Variants in PTTG1IP observed in about 807,000 individuals in gnomAD.
PTTG1IP encodes PTTG1 interacting protein, also known as pituitary tumor-transforming gene 1 protein-interacting protein.
A neutral mutation model predicts 24.4 loss-of-function variants in PTTG1IP; 16 were observed. That is an observed-to-expected ratio of 0.66 (90% CI 0.44 to 1.00). The LOEUF (loss-of-function observed/expected upper bound fraction) is 1.00. Among genes scored for constraint, PTTG1IP ranks in the 50% least tolerant of loss-of-function variants. The pLI is 0.00. For synonymous variants in PTTG1IP, 89 were observed against 96.8 expected, an observed-to-expected ratio of 0.92 and a Z score of 0.47; for missense variants, 241 against 245.8, an observed-to-expected ratio of 0.98 and a Z score of 0.13.
intron 1 of PTTG1IP, among the ~76,000 whole-genome samples, chr21:44,872,484 T>A (rs1359731734): frequency 2.0e-5 from 3 of 152,100 alleles, no homozygotes; most frequent in Admixed American, 2.0e-4. Flanking sequence ...GTCAGGAAAC[T>A]GAAGTTAAGG....
intron 1 of PTTG1IP, among the ~76,000 whole-genome samples, chr21:44,869,250 T>C (rs2083565704): frequency 6.6e-6 from 1 of 152,236 alleles, no homozygotes; most frequent in African/African-American, 2.4e-5. Flanking sequence ...ACTGTTTAAA[T>C]TTGTATATGG....
chr21:44,870,397 C>T (rs766017283), intron 1 of PTTG1IP, among the ~76,000 whole-genome samples: 5 of 151,724 alleles, frequency 3.3e-5, no homozygotes, highest in East Asian at 1.9e-4. Flanking sequence ...GAAAATTAGC[C>T]GGGTGTGATA....
rs954565196 is a variant in PTTG1IP at position 44,850,898 on chromosome 21, G to C, written c.*683C>G. 1.3e-5 allele frequency: 2 copies of C among 153,094 alleles called. No homozygotes were observed. Among genetic ancestry groups the C allele is most frequent in the African/African-American group, 4.8e-5 (2 of 41,472 alleles). 9.5% of individuals were successfully genotyped at this position (153,094 alleles called of 1,614,324 possible). On this transcript the variant is annotated 3_prime_UTR_variant, in exon 6 of 6. Coordinates refer to ENST00000330938, the MANE Select transcript of PTTG1IP (RefSeq NM_004339.4). ...CAAATTTTAAAAATTGTCCAAAAAGGGCCTGAATTTTTATATGAAGGTTTT... is the reference window on the plus strand; with the variant it reads ...CAAATTTTAAAAATTGTCCAAAAAGCGCCTGAATTTTTATATGAAGGTTTT...
chr21:44,873,445 C>T, intron 1 of PTTG1IP, 57 bp downstream of exon 1: 1 of 1,309,718 alleles, frequency 7.6e-7, no homozygotes, highest in East Asian at 3.4e-5. Flanking sequence ...CGACCCCGAC[C>T]TGGACCCACC....
intron 2 of PTTG1IP, chr21:44,861,768 C>G (rs575763451): frequency 1.4e-6 from 1 of 717,588 alleles, no homozygotes; most frequent in Non-Finnish European, 2.6e-6. Context: ...CCTCCCCACA[C>G]GCCGGGCACC....
intron 1 of PTTG1IP, among the ~76,000 whole-genome samples, chr21:44,866,333 A>C (rs2083537278): frequency 1.8e-5 from 1 of 55,032 alleles, no homozygotes; most frequent in African/African-American, 1.8e-4. Flanking sequence ...CCAATCCCAT[A>C]ACACACACAC....
chr21:44,867,863 A>C (rs2083554637), intron 1 of PTTG1IP, among the ~76,000 whole-genome samples: 1 of 152,276 alleles, frequency 6.6e-6, no homozygotes, highest in African/African-American at 2.4e-5. Flanking sequence ...GTTTACCAAA[A>C]GGGACAAATA....
intron 1 of PTTG1IP, chr21:44,873,037 C>CA (rs1421119398): frequency 1.3e-5 from 1 of 76,700 alleles, no homozygotes; most frequent in Non-Finnish European, 2.3e-5. Context: ...CCGGCCGCGG[C>CA]CCCATCACCC....
intron 1 of PTTG1IP, among the ~76,000 whole-genome samples, chr21:44,870,369 C>T (rs373929959): frequency 5.9e-5 from 9 of 151,936 alleles, no homozygotes; most frequent in African/African-American, 1.9e-4. Context: ...GGAGAAACCC[C>T]ATTTCTACTA....
chr21:44,871,983 C>T (rs532867356), intron 1 of PTTG1IP, among the ~76,000 whole-genome samples: 1 of 152,306 alleles, frequency 6.6e-6, no homozygotes, highest in South Asian at 2.1e-4. Flanking sequence ...CCACTCCACT[C>T]GTCCACACCC....
At chr21:44,858,988 C>T (rs1184747559) in intron 3 of PTTG1IP, among the ~76,000 whole-genome samples, 4 of 152,150 alleles carry the variant, frequency 2.6e-5, no homozygotes, top group African/African-American at 9.7e-5. Context: ...CAAATATGCT[C>T]CGTGACACAG....
chr21:44,871,776 G>A (rs1161791012), intron 1 of PTTG1IP, among the ~76,000 whole-genome samples: 2 of 152,196 alleles, frequency 1.3e-5, no homozygotes, highest in Non-Finnish European at 2.9e-5. Flanking sequence ...AGGCGCCTGG[G>A]CAGTGAATGC....
At chr21:44,859,381 A>C (rs1175019112) in intron 3 of PTTG1IP, among the ~76,000 whole-genome samples, 2 of 151,212 alleles carry the variant, frequency 1.3e-5, no homozygotes, top group Non-Finnish European at 3.0e-5. Flanking sequence ...TGCACTGAAT[A>C]TATGTACGCA....
chr21:44,862,238 G>T (rs1003559674), intron 2 of PTTG1IP, among the ~76,000 whole-genome samples: 2 of 152,232 alleles, frequency 1.3e-5, no homozygotes, highest in African/African-American at 4.8e-5. Flanking sequence ...ACTGCTGTTC[G>T]GGTCAGGCAC....
At position 44,851,484 on chromosome 21, in the gene PTTG1IP, G is replaced by A; in HGVS notation, c.*97C>T. ...GAAGGCTGGCAGGTTCACTGGCCAAGGTCAGGAGACCGCAATGGCCACGTG... is the reference window on the plus strand; with the variant it reads ...GAAGGCTGGCAGGTTCACTGGCCAAAGTCAGGAGACCGCAATGGCCACGTG... On this transcript the variant is annotated 3_prime_UTR_variant, in exon 6 of 6. Coordinates refer to ENST00000330938, the MANE Select transcript of PTTG1IP (RefSeq NM_004339.4). 1 of 1,613,018 alleles carries A rather than the reference G, an allele frequency of 6.2e-7. No homozygotes were observed. Among genetic ancestry groups the A allele is most frequent in the Non-Finnish European group, 8.5e-7 (1 of 1,179,944 alleles).
At chr21:44,866,246 A>G (rs1275887415) in intron 1 of PTTG1IP, among the ~76,000 whole-genome samples, 6 of 96,918 alleles carry the variant, frequency 6.2e-5, no homozygotes, top group African/African-American at 2.5e-4. Context: ...TACTCCCCCA[A>G]TCCCATAACA....
chr21:44,852,678 C>CA (rs1444506804), intron 5 of PTTG1IP, among the ~76,000 whole-genome samples: 1 of 152,144 alleles, frequency 6.6e-6, no homozygotes, highest in African/African-American at 2.4e-5. Flanking sequence ...GAGTGAGGCT[C>CA]AAAGTCGGTT....
intron 3 of PTTG1IP, among the ~76,000 whole-genome samples, chr21:44,857,732 G>T (rs561547347): frequency 6.6e-6 from 1 of 152,356 alleles, no homozygotes; most frequent in African/African-American, 2.4e-5. Flanking sequence ...TGCTGCCCCG[G>T]ACGCTGAGAT....
chr21:44,871,706 G>C (rs1382257267), intron 1 of PTTG1IP, among the ~76,000 whole-genome samples: 1 of 152,146 alleles, frequency 6.6e-6, no homozygotes, highest in African/African-American at 2.4e-5. Context: ...TGGGAAGAGG[G>C]GAGTTCTCCA....
Sources: allele counts gnomAD v4.1 joint callset (sites outside exome capture counted in the v4.1 genomes callset), GRCh38; gene constraint gnomAD v4.1.1; transcripts MANE v1.5; gene names NCBI Gene and HGNC (gene_info 2026-07-23, HGNC 2026-07-21).